Variants in MAP3K10 observed in about 807,000 individuals in gnomAD.
The protein encoded by MAP3K10 is mitogen-activated protein kinase kinase kinase 10.
A neutral mutation model predicts 75.0 loss-of-function variants in MAP3K10; 22 were observed. The observed-to-expected ratio is 0.29, with a 90% CI of 0.21 to 0.42. MAP3K10 has a LOEUF of 0.42. Among genes scored for constraint, MAP3K10 ranks in the 10% least tolerant of loss-of-function variants. The probability of loss-of-function intolerance (pLI) is 1.00; values close to 1 mark genes in which losing one functional copy is unlikely to be tolerated. For synonymous variants in MAP3K10, 599 were observed against 612.9 expected (o/e 0.98, Z 0.34); for missense variants, 1,165 against 1,379.8 (o/e 0.84, Z 2.47).
At chr19:40,200,234 G>C (rs1408285653) in intron 2 of MAP3K10, among the ~76,000 whole-genome samples, 1 of 152,210 alleles carries the variant, frequency 6.6e-6, no homozygotes, top group African/African-American at 2.4e-5. Flanking sequence ...AGGAGGCAGA[G>C]GTTGAGATGG....
chr19:40,198,130 G>A lies in MAP3K10; in HGVS notation c.683-245G>A, dbSNP rs1420393546. Among the ~76,000 whole-genome samples, 2 of 152,206 alleles carry A rather than the reference G, an allele frequency of 1.3e-5. No individual in the cohort carries two copies. On this transcript the variant is annotated intron_variant, in intron 1 of 9. Coordinates refer to ENST00000253055, the MANE Select transcript of MAP3K10 (RefSeq NM_002446.4). The surrounding 1 kb of genome is among the most constrained non-coding windows in gnomAD (Gnocchi z 4.3). The stretch of plus-strand genomic sequence containing the variant: ...ATTCATGGAGCTCCCCAAAGCCCAG[G>A]ACAGAATCAGGAGGGCAGAGGACAC...
chr19:40,212,730 TG>T lies in MAP3K10; in HGVS notation c.1553-70del. The T allele has an allele frequency of 1.3e-6, 2 of 1,541,518 alleles. No homozygotes were observed. The highest frequency in any genetic ancestry group is 1.8e-6 in the Non-Finnish European group (2 of 1,142,746). ...TCCCAGGCGGAGGGTGGGCCTGAGC[TG>T]GGGGCACTGGAGGCTGGGAGCCCAG... On this transcript the variant is annotated intron_variant, in intron 6 of 9. Coordinates refer to ENST00000253055, the MANE Select transcript of MAP3K10 (RefSeq NM_002446.4). This position sits in a 1 kb window ranked among gnomAD's most constrained non-coding sequence, Gnocchi z 4.2.
intron 2 of MAP3K10, among the ~76,000 whole-genome samples, chr19:40,202,911 A>T (rs563359203): frequency 6.6e-6 from 1 of 152,374 alleles, no homozygotes; most frequent in South Asian, 2.1e-4. Flanking sequence ...TCATGCAGGC[A>T]GCATGTGGCC....
At chr19:40,196,705 G>T (rs946591258) in intron 1 of MAP3K10, among the ~76,000 whole-genome samples, 3 of 152,072 alleles carry the variant, frequency 2.0e-5, no homozygotes, top group Non-Finnish European at 2.9e-5. Flanking sequence ...TTTTAGTAGA[G>T]ACAGGGTTTC....
At position 40,212,994 on chromosome 19, in the gene MAP3K10, C is replaced by G; in HGVS notation, c.1724+18C>G. 1 of 1,591,658 alleles carries G rather than the reference C, an allele frequency of 6.3e-7. No individual in the cohort carries two copies. The highest frequency in any genetic ancestry group is 8.6e-7 in the Non-Finnish European group (1 of 1,167,592). On this transcript the variant is annotated intron_variant, in intron 7 of 9. Transcript: ENST00000253055. This position sits in a 1 kb window ranked among gnomAD's most constrained non-coding sequence, Gnocchi z 4.2. ...GAGGAGAGGTGAGGTGTGGTGTGGTCATGCCCACCCTGTGCCCAAGCCCCA... is the reference window on the plus strand; with the variant it reads ...GAGGAGAGGTGAGGTGTGGTGTGGTGATGCCCACCCTGTGCCCAAGCCCCA...
rs111963870 is a variant in MAP3K10, at chr19:40,204,872, G to C, written c.1012+239G>C. 1.6e-5 allele frequency: 10 copies of C among 625,172 alleles called. No individual in the cohort carries two copies. Among genetic ancestry groups the C allele is most frequent in the African/African-American group, 1.3e-4 (7 of 54,376 alleles). The allele number at this position is 625,172 out of a possible 1,614,324, so 38.7% of individuals were successfully genotyped here. ...AACCTGTTAGGATTCCTTGGCCCTG[G>C]GATTCCACCTTGATCCTGATTCCAC... On this transcript the variant is annotated intron_variant, in intron 3 of 9. Coordinates refer to ENST00000253055, the MANE Select transcript of MAP3K10 (RefSeq NM_002446.4). The surrounding 1 kb of genome is among the most constrained non-coding windows in gnomAD (Gnocchi z 4.3).
In MAP3K10 at chr19:40,215,135, C is replaced by T. The variant is rs780486690; in HGVS notation, c.2708C>T (p.Ser903Phe). The change falls in exon 10 of 10, where the codon TCC (serine) becomes TTC (phenylalanine). Residue 903 changes from serine to phenylalanine, a missense_variant. Coordinates refer to ENST00000253055, the MANE Select transcript of MAP3K10 (RefSeq NM_002446.4). Reference protein sequence around the residue: ...RPRLDPWKLVSFGRTLTISPP... With the variant: ...RPRLDPWKLVFFGRTLTISPP... The stretch of plus-strand genomic sequence containing the variant: ...CGCTTGGACCCCTGGAAACTGGTCT[C>T]CTTCGGCCGGACACTCACCATCTCG... 1.9e-6 allele frequency: 3 copies of T among 1,610,606 alleles called. No individual in the cohort carries two copies. Among genetic ancestry groups the T allele is most frequent in the Non-Finnish European group, 2.5e-6 (3 of 1,178,838 alleles).
intron 1 of MAP3K10, among the ~76,000 whole-genome samples, chr19:40,195,818 GCAGGATTAT>G (rs1317550343): frequency 6.6e-6 from 1 of 152,124 alleles, no homozygotes; most frequent in African/African-American, 2.4e-5. Flanking sequence ...TAAAGGATGG[GCAGGATTAT>G]CAATTGTGTG....
intron 2 of MAP3K10, among the ~76,000 whole-genome samples, chr19:40,199,275 G>C (rs1972973722): frequency 6.6e-6 from 1 of 152,142 alleles, no homozygotes; most frequent in Non-Finnish European, 1.5e-5. Context: ...GGAATAGTAA[G>C]TCAGTCAACA....
intron 2 of MAP3K10, among the ~76,000 whole-genome samples, chr19:40,202,774 C>T (rs984104790): frequency 2.6e-5 from 4 of 152,092 alleles, no homozygotes; most frequent in Non-Finnish European, 2.9e-5. Context: ...CACTCTTTCC[C>T]GGCCGGGCAC....
rs1477844090 is a variant in MAP3K10, at chr19:40,191,426, G to A, written c.-606G>A. On this transcript the variant is annotated 5_prime_UTR_variant, in exon 1 of 10. Transcript: ENST00000253055. ...GGCACCGCGGCGGCGGCGCCCACAC[G>A]TCACTCGGGCCCCGCCGGTGGCCCG... Among the ~76,000 whole-genome samples the A allele has an allele frequency of 1.3e-5, 2 of 151,658 alleles. No individual in the cohort carries two copies. Among genetic ancestry groups the A allele is most frequent in the African/African-American group, 4.8e-5 (2 of 41,406 alleles).
chr19:40,193,111 C>G (rs1972848483), intron 1 of MAP3K10, among the ~76,000 whole-genome samples: 1 of 152,204 alleles, frequency 6.6e-6, no homozygotes, highest in Non-Finnish European at 1.5e-5. Context: ...AACCCCAGCA[C>G]TATTGGCACT....
rs536793377 is a variant in MAP3K10 at position 40,202,473 on chromosome 19, A to T, written c.864-2012A>T. On this transcript the variant is annotated intron_variant, in intron 2 of 9. Coordinates refer to ENST00000253055, the MANE Select transcript of MAP3K10 (RefSeq NM_002446.4). ...CAGGAAGCAAGAAGCCTTGCCTGTC[A>T]GGCTGCCCTTGGCATGACTAGAGTG... Among the ~76,000 whole-genome samples the T allele has an allele frequency of 8.5e-5, 13 of 152,306 alleles. No homozygotes were observed. In the South Asian group the frequency reaches 2.7e-3, roughly 32 times the overall value.
At position 40,215,157 on chromosome 19, in the gene MAP3K10, C is replaced by G; in HGVS notation, c.2730C>G (p.Ile910Met). Residue 910 changes from isoleucine (I) to methionine (M), a missense_variant, in exon 10 of 10, where the codon ATC becomes ATG. Physicochemically the swap from Ile to Met is conservative, Grantham distance 10. This residue lies in a region of MAP3K10 where 590 missense variants were observed against 586.6 expected (regional missense o/e 1.01). Transcript: ENST00000253055. The part of the protein sequence containing the change: ...KLVSFGRTLT[I>M]SPPSRPDTPE... Reference sequence around the variant, plus strand: ...TCTCCTTCGGCCGGACACTCACCATCTCGCCTCCCAGCAGGCCAGACACTC... The same window carrying G: ...TCTCCTTCGGCCGGACACTCACCATGTCGCCTCCCAGCAGGCCAGACACTC... 6.2e-7 allele frequency: 1 copy of G among 1,607,862 alleles called. No individual in the cohort carries two copies.
At position 40,212,317 on chromosome 19, in the gene MAP3K10, G is replaced by GC. The variant is rs1015318102; in HGVS notation, c.1553-482dup. 2.0e-5 allele frequency among the ~76,000 whole-genome samples: 3 copies of GC among 152,152 alleles called. No homozygotes were observed. Among genetic ancestry groups the GC allele is most frequent in the Non-Finnish European group, 4.4e-5 (3 of 68,010 alleles). On this transcript the variant is annotated intron_variant, in intron 6 of 9. Transcript: ENST00000253055. This position sits in a 1 kb window ranked among gnomAD's most constrained non-coding sequence, Gnocchi z 4.2. Reference sequence around the variant, plus strand: ...CACCCCAGCACTGTCCCCACCCACAGCCCCCCTGCCCTCTGTCTGGGCACC... The same window carrying GC: ...CACCCCAGCACTGTCCCCACCCACAGCCCCCCCTGCCCTCTGTCTGGGCACC...
Position 40,212,762 on chromosome 19 carries a change from A to T in MAP3K10, c.1553-43A>T. On this transcript the variant is annotated intron_variant, in intron 6 of 9. Coordinates refer to ENST00000253055, the MANE Select transcript of MAP3K10 (RefSeq NM_002446.4). The surrounding 1 kb of genome is among the most constrained non-coding windows in gnomAD (Gnocchi z 4.2). ...ACTGGAGGCTGGGAGCCCAGTGGGG[A>T]CAGATCCTCCACCCAGTAACCAAGT... 1 of 1,561,578 alleles carries T rather than the reference A, an allele frequency of 6.4e-7. No individual in the cohort carries two copies. Among genetic ancestry groups the T allele is most frequent in the Non-Finnish European group, 8.7e-7 (1 of 1,154,102 alleles).
chr19:40,196,633 CA>C (rs1972912382), intron 1 of MAP3K10, among the ~76,000 whole-genome samples: 1 of 152,184 alleles, frequency 6.6e-6, no homozygotes, highest in South Asian at 2.1e-4. Flanking sequence ...ATCCTCTCAC[CA>C]AAGCCTCTCA....
At position 40,213,157 on chromosome 19, in the gene MAP3K10, C is replaced by A. The variant is rs759300640; in HGVS notation, c.1806C>A (p.Ile602=). 4.4e-6 allele frequency: 7 copies of A among 1,594,408 alleles called. No individual in the cohort carries two copies. The highest frequency in any genetic ancestry group is 6.0e-6 in the Non-Finnish European group (7 of 1,171,698). The change falls in exon 8 of 10, where the codon ATC becomes ATA. Residue 602 remains isoleucine, a synonymous_variant. Transcript: ENST00000253055. The surrounding 1 kb of genome is among the most constrained non-coding windows in gnomAD (Gnocchi z 5.7). ...GCAAGTCCCCCAAACACACACCCAT[C>A]GCCCCTGGCTTTGCCAGCCTCAATG... ...NLGKSPKHTP[I]APGFASLNEM...
In MAP3K10 at chr19:40,191,661, G is replaced by T. The variant is rs958174599; in HGVS notation, c.-371G>T. The T allele has an allele frequency of 1.2e-5, 2 of 162,410 alleles. No homozygotes were observed. The highest frequency in any genetic ancestry group is 2.6e-5 in the Non-Finnish European group (2 of 75,844). 10.1% of individuals were successfully genotyped at this position (162,410 alleles called of 1,614,324 possible). On this transcript the variant is annotated 5_prime_UTR_variant, in exon 1 of 10. Coordinates refer to ENST00000253055, the MANE Select transcript of MAP3K10 (RefSeq NM_002446.4). ...CGGGGGCCGCCGGTGGAGCTGCGCG[G>T]GGTGAGCGGCGCGGGGAACGGGGAC...
Sources: gnomAD v4.1 joint callset for allele counts (sites outside exome capture counted in the v4.1 genomes callset) on GRCh38, gnomAD v4.1.1 for gene constraint, gnomAD v4.1.1 regional missense constraint, Gnocchi (gnomAD v3.1) non-coding constraint, MANE v1.5 for transcripts, NCBI Gene and HGNC (gene_info 2026-07-23, HGNC 2026-07-21) for gene names.